DSE: variants seen among roughly 807,000 people sequenced by gnomAD.
The protein encoded by DSE is dermatan sulfate epimerase, also known as dermatan-sulfate epimerase.
DSE carries 36 observed loss-of-function variants against 84.4 expected under a neutral mutation model. The ratio of observed to expected loss-of-function variants is 0.43; its 90% confidence interval spans 0.33 to 0.56. The LOEUF (loss-of-function observed/expected upper bound fraction) is 0.56, where lower values mean the gene tolerates loss of function less well. Ranked by LOEUF, DSE falls within the 20% of genes least tolerant of loss-of-function variation. The pLI is 0.06. For synonymous variants in DSE, 410 were observed against 430.1 expected, an observed-to-expected ratio of 0.95 and a Z score of 0.58; for missense variants, 862 against 1,169.6, an observed-to-expected ratio of 0.74 and a Z score of 3.84.
chr6:116,303,204 C>A (rs1562216226), intron 2 of DSE, among the ~76,000 whole-genome samples: 2 of 152,082 alleles, frequency 1.3e-5, no homozygotes, highest in Admixed American at 1.3e-4. Context: ...CTCCCCTCAA[C>A]TTTACCCTCT....
chr6:116,418,171 A>G (rs1782839338), intron 2 of DSE, among the ~76,000 whole-genome samples: 1 of 152,158 alleles, frequency 6.6e-6, no homozygotes, highest in African/African-American at 2.4e-5. Context: ...AAATGTTGAC[A>G]GGAACAAACA....
intron 2 of DSE, chr6:116,279,961 G>T (rs1327389445): frequency 1.5e-6 from 2 of 1,325,752 alleles, no homozygotes; most frequent in Admixed American, 3.6e-5. Context: ...GTCAGGACTG[G>T]AGATCTCACG....
Position 116,444,643 on chromosome 6 carries a change from G to A in DSE, c.*7298G>A, listed in dbSNP as rs1328919006. 1 of 152,146 alleles carries A rather than the reference G, an allele frequency of 6.6e-6. No individual in the cohort carries two copies. The highest frequency in any genetic ancestry group is 1.9e-4 in the East Asian group (1 of 5,190). The allele number at this position is 152,146 out of a possible 1,614,324, so 9.4% of individuals were successfully genotyped here. A position where few individuals can be genotyped will look rare whatever the true frequency, so the allele number is the denominator to read the frequency against. On this transcript the variant is annotated 3_prime_UTR_variant, in exon 6 of 6. Transcript: ENST00000644252. ...TGTGGGGCCTTTGGAAAGTGATTAGGTTATGAAGGTGGAGCCCTCGTGAAT... is the reference window on the plus strand; with the variant it reads ...TGTGGGGCCTTTGGAAAGTGATTAGATTATGAAGGTGGAGCCCTCGTGAAT...
At chr6:116,317,103 T>G (rs1403347436) in intron 2 of DSE, among the ~76,000 whole-genome samples, 1 of 152,194 alleles carries the variant, frequency 6.6e-6, no homozygotes, top group Non-Finnish European at 1.5e-5. Flanking sequence ...AAGAATGGTG[T>G]AAGCATTTCA....
Position 116,346,174 on chromosome 6 carries a change from G to A in DSE, c.-53-53024G>A, listed in dbSNP as rs895984252. On this transcript the variant is annotated intron_variant, in intron 2 of 3. Coordinates refer to the DSE transcript ENST00000430252. ...TCCAGGACCAGACAGATTCACAGCC[G>A]AATTCTACCAGAGGTACAAGGAGGA... Among the ~76,000 whole-genome samples the A allele has an allele frequency of 3.9e-5, 6 of 152,120 alleles. No homozygotes were observed. The South Asian group carries it at 6.2e-4, about 16-fold the overall frequency.
At chr6:116,412,155 AT>A (rs1782412076) in intron 2 of DSE, among the ~76,000 whole-genome samples, 1 of 152,182 alleles carries the variant, frequency 6.6e-6, no homozygotes, top group Non-Finnish European at 1.5e-5. Flanking sequence ...AATAAATATT[AT>A]GGGTTCAGGG....
At chr6:116,429,766 G>GTT in intron 3 of DSE, among the ~76,000 whole-genome samples, 1 of 27,462 alleles carries the variant, frequency 3.6e-5, no homozygotes, top group Non-Finnish European at 7.5e-5. Context: ...GGCTAACACG[G>GTT]TGAAACCCCG....
chr6:116,262,977 T>A (rs1279444596), intron 2 of DSE, among the ~76,000 whole-genome samples: 4 of 152,150 alleles, frequency 2.6e-5, no homozygotes, highest in African/African-American at 9.7e-5. Flanking sequence ...GTTCAAGAGA[T>A]TTTTTGTTAT....
intron 2 of DSE, among the ~76,000 whole-genome samples, chr6:116,348,798 A>G (rs1295655564): frequency 1.3e-5 from 2 of 152,232 alleles, no homozygotes; most frequent in Admixed American, 6.5e-5. Context: ...TGCAGCCATA[A>G]AAAAGGATGA....
At position 116,433,401 on chromosome 6, in the gene DSE, A is replaced by G; in HGVS notation, c.969A>G (p.Glu323=). Residue 323 remains glutamate (E), a synonymous_variant, in exon 5 of 6, where the codon GAA becomes GAG. Transcript: ENST00000644252. ...ATTACAACTGGTTTTATGGTCCAGA[A>G]AGCCAATTAGTGTTCCTTGATAAAT... The part of the protein sequence containing the change: ...DSNYNWFYGP[E]SQLVFLDKFV... 1 of 1,551,724 alleles carries G rather than the reference A, an allele frequency of 6.4e-7. No individual in the cohort carries two copies. The highest frequency in any genetic ancestry group is 8.7e-7 in the Non-Finnish European group (1 of 1,146,974).
chr6:116,436,710 C>T lies in DSE; in HGVS notation c.2242C>T (p.His748Tyr), dbSNP rs770096528. ...TGCTATTGTGGAACAGAACTTGCAG[C>T]ATTTTAAACCAGTGTTTCAGCTGCT... ...YAAIVEQNLQ[H>Y]FKPVFQLLEK... The change falls in exon 6 of 6, where the codon CAT becomes TAT. Residue 748 changes from histidine (H) to tyrosine (Y), a missense_variant. Physicochemically the swap from His to Tyr is moderately conservative, Grantham distance 83. Coordinates refer to ENST00000644252, the MANE Select transcript of DSE (RefSeq NM_013352.4). 2.4e-5 allele frequency: 38 copies of T among 1,614,032 alleles called. No individual in the cohort carries two copies. The highest frequency in any genetic ancestry group is 1.7e-5 in the Admixed American group (1 of 59,998).
At chr6:116,296,141 G>A (rs1322742150) in intron 2 of DSE, among the ~76,000 whole-genome samples, 1 of 152,110 alleles carries the variant, frequency 6.6e-6, no homozygotes, top group Admixed American at 6.6e-5. Flanking sequence ...ATCCATGGAT[G>A]CTGAAGTCCT....
intron 3 of DSE, among the ~76,000 whole-genome samples, chr6:116,430,239 A>G (rs976148861): frequency 6.6e-6 from 1 of 152,238 alleles, no homozygotes; most frequent in African/African-American, 2.4e-5. Flanking sequence ...AAAAGCACAT[A>G]AAGGATAAGA....
At position 116,311,284 on chromosome 6, in the gene DSE, G is replaced by A. The variant is rs563604436; in HGVS notation, c.-54+52317G>A. Among the ~76,000 whole-genome samples, 45 of 151,994 alleles carry A rather than the reference G, an allele frequency of 3.0e-4. 1 individual carries two copies. Among genetic ancestry groups the A allele is most frequent in the African/African-American group, 1.0e-3 (42 of 41,462 alleles). On this transcript the variant is annotated intron_variant, in intron 2 of 3. Coordinates refer to the DSE transcript ENST00000430252. ...TTATATACATGTTTGTTTTCATATCGCCTTTCTCTCCCACCAGAATATAAG... is the reference window on the plus strand; with the variant it reads ...TTATATACATGTTTGTTTTCATATCACCTTTCTCTCCCACCAGAATATAAG...
chr6:116,267,685 GC>G (rs1315545742), intron 2 of DSE, among the ~76,000 whole-genome samples: 2 of 152,190 alleles, frequency 1.3e-5, no homozygotes, highest in Non-Finnish European at 2.9e-5. Context: ...ATGTACAATA[GC>G]ATATTAGTCC....
Position 116,314,997 on chromosome 6 carries a change from A to G in DSE, c.-54+56030A>G, listed in dbSNP as rs1583001190. ...AGGTAGGCTCTGAACCCATTGTTTT[A>G]CCATCTGTCTTCCAGCCCCAGAGTG... On this transcript the variant is annotated intron_variant, in intron 2 of 3. Coordinates refer to the DSE transcript ENST00000430252. 2.6e-5 allele frequency among the ~76,000 whole-genome samples: 4 copies of G among 152,272 alleles called. No homozygotes were observed. In the South Asian group the frequency reaches 8.3e-4, roughly 32 times the overall value.
At chr6:116,375,628 G>A (rs949021304) in intron 1 of DSE, 1 of 882,590 alleles carries the variant, frequency 1.1e-6, no homozygotes, top group Non-Finnish European at 1.4e-6. Context: ...AAGTCTTGCA[G>A]AAAAGAATCA....
intron 2 of DSE, among the ~76,000 whole-genome samples, chr6:116,290,473 C>G (rs1774210758): frequency 6.6e-6 from 1 of 152,104 alleles, no homozygotes; most frequent in Non-Finnish European, 1.5e-5. Flanking sequence ...AAAGTAATAT[C>G]TCCTGCTACT....
At chr6:116,384,149 A>G (rs1284717808) in intron 1 of DSE, among the ~76,000 whole-genome samples, 2 of 152,228 alleles carry the variant, frequency 1.3e-5, no homozygotes, top group Non-Finnish European at 2.9e-5. Context: ...AATCACTTTA[A>G]ATTTCAAAAC....
Sources: gnomAD v4.1 joint callset for allele counts (sites outside exome capture counted in the v4.1 genomes callset) on GRCh38, gnomAD v4.1.1 for gene constraint, MANE v1.5 for transcripts, NCBI Gene and HGNC (gene_info 2026-07-23, HGNC 2026-07-21) for gene names.